Variants in NEK6 observed in about 807,000 individuals in gnomAD.
NEK6 encodes the protein NIMA related kinase 6.
A neutral mutation model predicts 43.5 loss-of-function variants in NEK6; 27 were observed. The ratio of observed to expected loss-of-function variants is 0.62; its 90% confidence interval spans 0.46 to 0.86. The LOEUF (loss-of-function observed/expected upper bound fraction) is 0.86. Ranked by LOEUF, NEK6 falls within the 40% of genes least tolerant of loss-of-function variation. The pLI is 0.00. For missense variants in NEK6, 318 were observed against 414.4 expected, an observed-to-expected ratio of 0.77 and a Z score of 2.02; for synonymous variants, 167 against 164.1, an observed-to-expected ratio of 1.02 and a Z score of -0.14.
intron 2 of NEK6, among the ~76,000 whole-genome samples, chr9:124,303,239 C>T (rs1833087334): frequency 6.6e-6 from 1 of 152,220 alleles, no homozygotes; most frequent in South Asian, 2.1e-4. Context: ...TTGGCTTTTT[C>T]TCCAAAGGAT....
Position 124,350,828 on chromosome 9 carries a change from C to G in NEK6, c.832-9C>G. ...TCTTGAGAATAACACACCATTCTCT[C>G]CCCTGCAGTTACGAGAACTGGTCAG... On this transcript the variant is annotated splice_polypyrimidine_tract_variant and intron_variant, in intron 9 of 9. Coordinates refer to ENST00000320246, the MANE Select transcript of NEK6 (RefSeq NM_014397.6). The G allele has an allele frequency of 6.3e-7, 1 of 1,597,858 alleles. No individual in the cohort carries two copies.
intron 8 of NEK6, among the ~76,000 whole-genome samples, chr9:124,345,582 T>C (rs538685399): frequency 6.6e-6 from 1 of 151,962 alleles, no homozygotes; most frequent in Non-Finnish European, 1.5e-5. Flanking sequence ...AGCAGCGAGG[T>C]TTATAAAATT....
At chr9:124,276,152 T>G (rs561011515) in intron 1 of NEK6, among the ~76,000 whole-genome samples, 14 of 152,166 alleles carry the variant, frequency 9.2e-5, no homozygotes, top group African/African-American at 3.1e-4. Flanking sequence ...CCTGGAACAG[T>G]GCCGGGCACC....
intron 6 of NEK6, 62 bp from the exon 7 acceptor site, chr9:124,327,276 G>A (rs558786928): frequency 8.0e-6 from 11 of 1,376,534 alleles, no homozygotes; most frequent in South Asian, 2.4e-5. Flanking sequence ...CCTTCCTCTC[G>A]TCCTGCCCCA....
At chr9:124,348,715 T>C (rs768602746) in intron 9 of NEK6, among the ~76,000 whole-genome samples, 4 of 152,254 alleles carry the variant, frequency 2.6e-5, no homozygotes, top group Non-Finnish European at 5.9e-5. Flanking sequence ...CTAAATATCA[T>C]GTGACCCTTA....
At position 124,324,489 on chromosome 9, in the gene NEK6, C is replaced by T. The variant is rs577836556; in HGVS notation, c.406-1841C>T. Among the ~76,000 whole-genome samples, 6 of 152,360 alleles carry T rather than the reference C, an allele frequency of 3.9e-5. No homozygotes were observed. In the South Asian group the frequency reaches 6.2e-4, roughly 16 times the overall value. ...AGAACCCACCAGAGACTCTGCGCCTCCCCGCTAAATGTCAGACAGCGCTTA... is the reference window on the plus strand; with the variant it reads ...AGAACCCACCAGAGACTCTGCGCCTTCCCGCTAAATGTCAGACAGCGCTTA... On this transcript the variant is annotated intron_variant, in intron 5 of 9. Coordinates refer to ENST00000320246, the MANE Select transcript of NEK6 (RefSeq NM_014397.6). This position sits in a 1 kb window ranked among gnomAD's most constrained non-coding sequence, Gnocchi z 5.3.
In NEK6 at chr9:124,327,789, C is replaced by T. The variant is rs116612180; in HGVS notation, c.622+344C>T. ...TCACGGGCAGCACCCTTGGTCCATC[C>T]CTCCTAGGGGGTGGACATTTGCACT... On this transcript the variant is annotated intron_variant, in intron 7 of 9. Coordinates refer to ENST00000320246, the MANE Select transcript of NEK6 (RefSeq NM_014397.6). Among the ~76,000 whole-genome samples the T allele has an allele frequency of 1.6e-3, 242 of 152,282 alleles. 1 individual carries two copies. The highest frequency in any genetic ancestry group is 5.7e-3 in the African/African-American group (236 of 41,560).
intron 9 of NEK6, among the ~76,000 whole-genome samples, chr9:124,348,897 A>G (rs1014867808): frequency 1.4e-4 from 22 of 152,336 alleles, no homozygotes; most frequent in African/African-American, 4.8e-4. Flanking sequence ...GCAAGTTAAA[A>G]AGACCGGTGA....
chr9:124,321,333 A>T lies in NEK6; in HGVS notation c.295-126A>T, dbSNP rs150732482. 2,955 of 626,384 alleles carry T rather than the reference A, an allele frequency of 4.7e-3. 10 individuals carry two copies. Among genetic ancestry groups the T allele is most frequent in the Non-Finnish European group, 7.1e-3 (2,484 of 348,490 alleles). The allele number at this position is 626,384 out of a possible 1,614,324, so 38.8% of individuals were successfully genotyped here. On this transcript the variant is annotated intron_variant, in intron 4 of 9. Coordinates refer to ENST00000320246, the MANE Select transcript of NEK6 (RefSeq NM_014397.6). ...CAGCACAGGCCTTTCTTTCCCTGGG[A>T]CCCACTTCTCTAGCAAATGCCAGGG...
intron 1 of NEK6, among the ~76,000 whole-genome samples, chr9:124,268,744 C>T (rs1831316421): frequency 6.6e-6 from 1 of 152,220 alleles, no homozygotes; most frequent in Non-Finnish European, 1.5e-5. Flanking sequence ...CGTCTTGCCA[C>T]CACCCAGCAT....
At chr9:124,257,834 C>T (rs1830864841), upstream of NEK6, 5 of 1,117,318 alleles carry the variant, frequency 4.5e-6, no homozygotes, top group East Asian at 3.5e-5. Flanking sequence ...GGAAGGACGC[C>T]GCCGGGGCGC....
chr9:124,258,779 G>A lies in NEK6; in HGVS notation c.-30+694G>A, dbSNP rs1830910764. On this transcript the variant is annotated intron_variant, in intron 1 of 9. Coordinates refer to ENST00000320246, the MANE Select transcript of NEK6 (RefSeq NM_014397.6). ...GCAGACTCAGAGCCTGGCTGGGCCT[G>A]ACAGAGGCAAAGGTCTTAGAGCCAG... Among the ~76,000 whole-genome samples the A allele has an allele frequency of 1.3e-5, 2 of 152,244 alleles. 1 individual carries two copies. The highest frequency in any genetic ancestry group is 4.1e-4 in the South Asian group (2 of 4,836).
intron 8 of NEK6, among the ~76,000 whole-genome samples, chr9:124,345,942 A>T (rs1237382438): frequency 6.6e-6 from 1 of 152,182 alleles, no homozygotes; most frequent in East Asian, 1.9e-4. Flanking sequence ...TGGTCAGGTC[A>T]GCAGACCCCA....
intron 1 of NEK6, among the ~76,000 whole-genome samples, chr9:124,273,502 C>T (rs1831530340): frequency 1.3e-5 from 2 of 152,168 alleles, no homozygotes; most frequent in South Asian, 2.1e-4. Flanking sequence ...TCTGTGACAG[C>T]AGAGGGGCCC....
rs1041804509 is a variant in NEK6, at chr9:124,350,963, G to A, written c.*16G>A. 1.4e-5 allele frequency: 22 copies of A among 1,583,784 alleles called. No individual in the cohort carries two copies. The highest frequency in any genetic ancestry group is 1.9e-5 in the Non-Finnish European group (22 of 1,159,902). On this transcript the variant is annotated 3_prime_UTR_variant, in exon 10 of 10. Coordinates refer to ENST00000320246, the MANE Select transcript of NEK6 (RefSeq NM_014397.6). ...CAGCACCTGAGCGTGGATGCACCGT[G>A]CCTTATCAAAGCCAGCACCACTTTG...
intron 1 of NEK6, among the ~76,000 whole-genome samples, chr9:124,284,217 T>C (rs750172731): frequency 5.9e-5 from 9 of 152,170 alleles, no homozygotes; most frequent in Non-Finnish European, 1.2e-4. Flanking sequence ...GGTGTGGTGG[T>C]GCATGTCTGT....
chr9:124,306,068 G>C (rs888056932), intron 2 of NEK6, among the ~76,000 whole-genome samples: 1 of 152,104 alleles, frequency 6.6e-6, no homozygotes, highest in Non-Finnish European at 1.5e-5. Context: ...AAATAGGGAG[G>C]TGAGGAGGCC....
intron 5 of NEK6, among the ~76,000 whole-genome samples, chr9:124,325,663 G>A (rs1228476141): frequency 6.6e-6 from 1 of 152,256 alleles, no homozygotes; most frequent in Non-Finnish European, 1.5e-5. Context: ...GTTACTTACA[G>A]CTCACTCAGT....
At chr9:124,274,218 G>T (rs577254775) in intron 1 of NEK6, among the ~76,000 whole-genome samples, 3 of 152,266 alleles carry the variant, frequency 2.0e-5, no homozygotes, top group Non-Finnish European at 4.4e-5. Flanking sequence ...CATCCAATCT[G>T]CTTCCTGCGC....
Sources: allele counts gnomAD v4.1 joint callset (sites outside exome capture counted in the v4.1 genomes callset), GRCh38; gene constraint gnomAD v4.1.1; non-coding constraint Gnocchi (gnomAD v3.1); transcripts MANE v1.5; gene names NCBI Gene and HGNC (gene_info 2026-07-23, HGNC 2026-07-21).